The following CUBN variants were observed in gnomAD, a reference collection of about 807,000 sequenced individuals.
CUBN encodes cubilin, also known as 460 kDa receptor.
Under a neutral mutation model 405.3 loss-of-function variants are expected in CUBN, and 282 were observed. The observed-to-expected ratio is 0.70, with a 90% CI of 0.63 to 0.77. The LOEUF (loss-of-function observed/expected upper bound fraction) is 0.77, where lower values mean the gene tolerates loss of function less well. Ranked by LOEUF, CUBN falls within the 30% of genes least tolerant of loss-of-function variation. The pLI is 0.00. For missense variants in CUBN, 4,514 were observed against 4,475.2 expected (o/e 1.01, Z -0.25); for synonymous variants, 1,684 against 1,617.0 (o/e 1.04, Z -0.99).
intron 17 of CUBN, among the ~76,000 whole-genome samples, chr10:17,074,433 C>G (rs1272958380): frequency 6.6e-6 from 1 of 152,158 alleles, no homozygotes; most frequent in Non-Finnish European, 1.5e-5. Flanking sequence ...TCACACACAA[C>G]AAGAATTCTC....
At chr10:17,095,330 T>C (rs1244448960) in intron 14 of CUBN, among the ~76,000 whole-genome samples, 1 of 151,998 alleles carries the variant, frequency 6.6e-6, no homozygotes, top group Admixed American at 6.6e-5. Flanking sequence ...CCCTATGACA[T>C]TAGTCTGAGT....
At position 16,877,039 on chromosome 10, in the gene CUBN, G is replaced by A. The variant is rs1333928042; in HGVS notation, c.8964C>T (p.Tyr2988=). 1.9e-6 allele frequency: 3 copies of A among 1,614,012 alleles called. No individual in the cohort carries two copies. The highest frequency in any genetic ancestry group is 2.2e-5 in the South Asian group (2 of 91,080). Reference sequence around the variant, plus strand: ...TAGCAAATGGGGTGGACATGACGCTGTAACCTCTGATAATGTGCACGCCAT... The same window carrying A: ...TAGCAAATGGGGTGGACATGACGCTATAACCTCTGATAATGTGCACGCCAT... ...VNDGVHIIRG[Y]SVMSTPFATV... is the part of the protein sequence containing the mutation. The change falls in exon 57 of 67, where the codon TAC becomes TAT. Residue 2988 remains tyrosine (Y), a synonymous_variant. Transcript: ENST00000377833.
intron 17 of CUBN, among the ~76,000 whole-genome samples, chr10:17,082,117 G>A (rs1457808082): frequency 6.6e-6 from 1 of 152,068 alleles, no homozygotes; most frequent in Non-Finnish European, 1.5e-5. Flanking sequence ...TTAAAACTTT[G>A]TTCCAGAAAA....
At chr10:17,116,857 T>C (rs1455347685) in intron 6 of CUBN, among the ~76,000 whole-genome samples, 1 of 152,062 alleles carries the variant, frequency 6.6e-6, no homozygotes, top group East Asian at 1.9e-4. Context: ...GGGAGCACCA[T>C]CCATGCATTC....
At chr10:17,121,551 T>C (rs1389342565) in intron 6 of CUBN, among the ~76,000 whole-genome samples, 1 of 30,014 alleles carries the variant, frequency 3.3e-5, no homozygotes, top group Admixed American at 5.1e-4. Flanking sequence ...TGTTGTGGGG[T>C]GGGGGGAGGG....
At chr10:17,129,272 A>G (rs757818334) in intron 1 of CUBN, 22 bp from the exon 2 acceptor site, 2 of 1,611,840 alleles carry the variant, frequency 1.2e-6, no homozygotes, top group East Asian at 2.2e-5. Flanking sequence ...AAACGAGAGA[A>G]TGCATCAGTA....
intron 22 of CUBN, among the ~76,000 whole-genome samples, chr10:17,056,132 G>A (rs1835389803): frequency 1.3e-5 from 2 of 152,074 alleles, no homozygotes; most frequent in Non-Finnish European, 2.9e-5. Flanking sequence ...ACACAGGCAG[G>A]TGATTTTCAA....
intron 28 of CUBN, among the ~76,000 whole-genome samples, chr10:16,997,049 T>G (rs1833754212): frequency 6.6e-6 from 1 of 152,204 alleles, no homozygotes; most frequent in East Asian, 1.9e-4. Flanking sequence ...TAATAGCTTT[T>G]TTTCTATAAC....
At chr10:16,987,033 G>T (rs1006307729) in intron 29 of CUBN, among the ~76,000 whole-genome samples, 4 of 152,164 alleles carry the variant, frequency 2.6e-5, no homozygotes, top group Non-Finnish European at 5.9e-5. Context: ...GCAAGGCTGA[G>T]CTCACAAAAG....
chr10:17,068,045 C>T lies in CUBN; in HGVS notation c.3008+19G>A, dbSNP rs534304528. The T allele has an allele frequency of 6.3e-7, 1 of 1,587,216 alleles. No individual in the cohort carries two copies. Among genetic ancestry groups the T allele is most frequent in the South Asian group, 1.1e-5 (1 of 90,442 alleles). ...CAGTGAAGTTTTATTGTTAAACAAA[C>T]AAACAAACATAACCTTACCTTCCAA... On this transcript the variant is annotated intron_variant, in intron 21 of 66. Transcript: ENST00000377833.
At chr10:16,949,807 T>C (rs1296732936) in intron 34 of CUBN, among the ~76,000 whole-genome samples, 194 bp downstream of exon 34, 1 of 152,210 alleles carries the variant, frequency 6.6e-6, no homozygotes, top group African/African-American at 2.4e-5. Context: ...TTGAATATAT[T>C]AATAAACAGG....
chr10:17,023,755 A>G, intron 27 of CUBN: 1 of 376,022 alleles, frequency 2.7e-6, no homozygotes, highest in South Asian at 1.9e-5. Flanking sequence ...GTAAAAACTA[A>G]GAAAGATTGC....
intron 27 of CUBN, among the ~76,000 whole-genome samples, chr10:17,036,705 A>G (rs999850737): frequency 7.2e-5 from 11 of 152,258 alleles, no homozygotes; most frequent in African/African-American, 2.7e-4. Context: ...AAAAATTCTA[A>G]ATTAGACACT....
intron 58 of CUBN, among the ~76,000 whole-genome samples, chr10:16,872,732 A>G (rs1163168081): frequency 1.3e-5 from 2 of 152,238 alleles, no homozygotes; most frequent in African/African-American, 2.4e-5. Flanking sequence ...GCAATAATCA[A>G]TCCTACACAT....
intron 36 of CUBN, among the ~76,000 whole-genome samples, chr10:16,946,287 T>C (rs1397433783): frequency 6.6e-6 from 1 of 152,076 alleles, no homozygotes; most frequent in Non-Finnish European, 1.5e-5. Context: ...TTTTTACATC[T>C]ACTCTAGGAC....
At chr10:16,838,323 C>T (rs1839235508) in intron 62 of CUBN, among the ~76,000 whole-genome samples, 1 of 152,156 alleles carries the variant, frequency 6.6e-6, no homozygotes, top group Non-Finnish European at 1.5e-5. Context: ...AGATACTCTA[C>T]TAGTCCAGCA....
At chr10:17,029,488 ACTTTTTTTG>A in intron 27 of CUBN, among the ~76,000 whole-genome samples, 1 of 152,330 alleles carries the variant, frequency 6.6e-6, no homozygotes, top group East Asian at 1.9e-4. Flanking sequence ...TTCATTCTAA[ACTTTTTTTG>A]AATCCAGGTA....
rs1801229 is a variant in CUBN at position 16,982,616 on chromosome 10, A to G, written c.4563T>C (p.Ile1521=). ...AAGGACTGGGGTAATTTGGAGAATGAATCTCTCCACTGGGAGCCTGGAAAA... is the reference window on the plus strand; with the variant it reads ...AAGGACTGGGGTAATTTGGAGAATGGATCTCTCCACTGGGAGCCTGGAAAA... ...GGIFQAPSGE[I]HSPNYPSPYR... Residue 1521 remains isoleucine (I), a synonymous_variant, in exon 31 of 67, where the codon ATT becomes ATC. Transcript: ENST00000377833. 6.2e-7 allele frequency: 1 copy of G among 1,613,182 alleles called. No individual in the cohort carries two copies. Among genetic ancestry groups the G allele is most frequent in the Non-Finnish European group, 8.5e-7 (1 of 1,179,406 alleles).
At chr10:16,907,725 T>C (rs1228936214) in intron 48 of CUBN, 46 bp from the exon 49 acceptor site, 5 of 1,595,250 alleles carry the variant, frequency 3.1e-6, no homozygotes, top group Non-Finnish European at 4.3e-6. Context: ...TCCATCTTAC[T>C]GCATATTTCC....
Sources: gnomAD v4.1 joint callset for allele counts (sites outside exome capture counted in the v4.1 genomes callset) on GRCh38, gnomAD v4.1.1 for gene constraint, MANE v1.5 for transcripts, NCBI Gene and HGNC (gene_info 2026-07-23, HGNC 2026-07-21) for gene names.